Variants in ZRANB3 observed in about 807,000 individuals in gnomAD.
ZRANB3 encodes zinc finger RANBP2-type containing 3.
In ZRANB3, 125 loss-of-function variants were observed where a neutral mutation model predicts 133.8. The ratio of observed to expected loss-of-function variants is 0.93; its 90% CI spans 0.81 to 1.08. The LOEUF (loss-of-function observed/expected upper bound fraction) is 1.08. ZRANB3 is among the 50% of genes least tolerant of loss of function. The pLI is 0.00. For missense variants in ZRANB3, 1,229 were observed against 1,275.5 expected (o/e 0.96, Z 0.56); for synonymous variants, 387 against 432.7 (o/e 0.89, Z 1.31).
intron 12 of ZRANB3, among the ~76,000 whole-genome samples, chr2:135,248,690 G>A (rs1695910994): frequency 6.6e-6 from 1 of 152,174 alleles, no homozygotes; most frequent in African/African-American, 2.4e-5. Context: ...TGGATCACCT[G>A]AGGTCAGTAG....
chr2:135,318,506 T>A (rs1307262727), intron 6 of ZRANB3, among the ~76,000 whole-genome samples: 1 of 152,144 alleles, frequency 6.6e-6, no homozygotes, highest in Non-Finnish European at 1.5e-5. Flanking sequence ...TGTTAAATGA[T>A]AAATGCAAGT....
intron 8 of ZRANB3, among the ~76,000 whole-genome samples, chr2:135,312,235 G>A (rs1463050483): frequency 6.9e-6 from 1 of 145,128 alleles, no homozygotes; most frequent in Non-Finnish European, 1.5e-5. Flanking sequence ...GTCTTGCTCT[G>A]TTGCCAAAGC....
intron 6 of ZRANB3, among the ~76,000 whole-genome samples, chr2:135,323,435 C>T (rs928572537): frequency 5.3e-5 from 8 of 152,074 alleles, no homozygotes; most frequent in African/African-American, 1.9e-4. Flanking sequence ...CATTGAAAAA[C>T]TGAAATTATT....
At chr2:135,229,461 G>A (rs372255512) in intron 13 of ZRANB3, among the ~76,000 whole-genome samples, 20 of 149,336 alleles carry the variant, frequency 1.3e-4, no homozygotes, top group African/African-American at 3.5e-4. Flanking sequence ...TCCGCCTCCC[G>A]GGTTCACGCC....
chr2:135,368,329 TACA>T (rs938325510), intron 3 of ZRANB3, among the ~76,000 whole-genome samples: 117 of 152,146 alleles, frequency 7.7e-4, no homozygotes, highest in African/African-American at 2.6e-3. Flanking sequence ...TACTAATAAC[TACA>T]ACAATAAACA....
intron 2 of ZRANB3, among the ~76,000 whole-genome samples, chr2:135,484,296 G>A (rs560077240): frequency 6.6e-6 from 1 of 152,090 alleles, no homozygotes; most frequent in Non-Finnish European, 1.5e-5. Context: ...ATGAACTAAT[G>A]AAAAAGGTAA....
intron 2 of ZRANB3, among the ~76,000 whole-genome samples, chr2:135,458,236 G>A (rs1292516122): frequency 3.9e-5 from 6 of 152,008 alleles, no homozygotes; most frequent in South Asian, 4.1e-4. Context: ...TCCACTGATC[G>A]TGTGTATGTC....
intron 2 of ZRANB3, among the ~76,000 whole-genome samples, chr2:135,421,496 A>G (rs1375938696): frequency 6.6e-6 from 1 of 152,042 alleles, no homozygotes; most frequent in East Asian, 1.9e-4. Context: ...TATTAGCCAT[A>G]TTTTCCCCCT....
At chr2:135,469,292 C>T (rs1000596861) in intron 2 of ZRANB3, among the ~76,000 whole-genome samples, 9 of 151,726 alleles carry the variant, frequency 5.9e-5, no homozygotes, top group Non-Finnish European at 1.3e-4. Context: ...ACATATACAT[C>T]CTAGAAATTT....
chr2:135,225,161 T>C (rs1350754402), intron 14 of ZRANB3, among the ~76,000 whole-genome samples: 1 of 152,188 alleles, frequency 6.6e-6, no homozygotes, highest in Non-Finnish European at 1.5e-5. Flanking sequence ...GTACATACAG[T>C]AACACCTTTT....
chr2:135,400,358 T>C (rs1243479222), intron 2 of ZRANB3, among the ~76,000 whole-genome samples: 3 of 152,160 alleles, frequency 2.0e-5, no homozygotes, highest in African/African-American at 7.2e-5. Flanking sequence ...AGTCTTTTTT[T>C]TTCTCTAAAT....
At chr2:135,264,008 G>A (rs1387794445) in intron 12 of ZRANB3, among the ~76,000 whole-genome samples, 3 of 148,572 alleles carry the variant, frequency 2.0e-5, no homozygotes, top group East Asian at 4.0e-4. Flanking sequence ...GGCTGATCTC[G>A]AACTCCTGAC....
intron 2 of ZRANB3, among the ~76,000 whole-genome samples, chr2:135,495,926 C>G (rs1692640540): frequency 6.6e-6 from 1 of 152,088 alleles, no homozygotes. Flanking sequence ...TAAAGCTTGG[C>G]AGGAGATGAA....
intron 3 of ZRANB3, among the ~76,000 whole-genome samples, chr2:135,389,418 G>A (rs1463864230): frequency 5.9e-5 from 9 of 152,058 alleles, no homozygotes; most frequent in Admixed American, 5.9e-4. Flanking sequence ...CTTAAAAACA[G>A]ACTACAGGCC....
chr2:135,450,881 T>A lies in ZRANB3; in HGVS notation c.161+53448A>T, dbSNP rs116426233. On this transcript the variant is annotated intron_variant, in intron 2 of 20. Coordinates refer to ENST00000264159, the MANE Select transcript of ZRANB3 (RefSeq NM_032143.4). ...AATTAAAGTTCACATGAGAGAGATATCCATATCTACTACATCCAAACATCC... is the reference window on the plus strand; with the variant it reads ...AATTAAAGTTCACATGAGAGAGATAACCATATCTACTACATCCAAACATCC... Among the ~76,000 whole-genome samples, 859 of 152,214 alleles carry A rather than the reference T, an allele frequency of 5.6e-3. 9 individuals are homozygous for A. Among genetic ancestry groups the A allele is most frequent in the African/African-American group, 0.02 (826 of 41,518 alleles).
In ZRANB3 at chr2:135,512,336, G is replaced by A. The variant is rs6750859; in HGVS notation, c.-7-7840C>T. Reference sequence around the variant, plus strand: ...AAGTAAATAGTAGAACTGTACTGAGGAGAATCAGATATTGTTAAAATACAC... The same window carrying A: ...AAGTAAATAGTAGAACTGTACTGAGAAGAATCAGATATTGTTAAAATACAC... On this transcript the variant is annotated intron_variant, in intron 1 of 20. Transcript: ENST00000264159. 3.2e-4 allele frequency among the ~76,000 whole-genome samples: 48 copies of A among 152,230 alleles called. 1 individual carries two copies. The highest frequency in any genetic ancestry group is 1.1e-3 in the African/African-American group (44 of 41,534).
chr2:135,274,579 T>A (rs1680689989), intron 9 of ZRANB3, among the ~76,000 whole-genome samples: 1 of 151,438 alleles, frequency 6.6e-6, no homozygotes. Flanking sequence ...GCAGCATATC[T>A]TTTTTTTTAG....
rs766509865 is a variant in ZRANB3, at chr2:135,207,817, C to T, written c.2626G>A (p.Ala876Thr). 1 of 1,593,178 alleles carries T rather than the reference C, an allele frequency of 6.3e-7. No homozygotes were observed. Among genetic ancestry groups the T allele is most frequent in the Non-Finnish European group, 8.6e-7 (1 of 1,163,808 alleles). The change falls in exon 19 of 21, where the codon GCC becomes ACC. Residue 876 changes from alanine (A) to threonine (T), a missense_variant. Ala to Thr is a moderately conservative substitution (Grantham distance 58). Coordinates refer to ENST00000264159, the MANE Select transcript of ZRANB3 (RefSeq NM_032143.4). Reference sequence around the variant, plus strand: ...TATGGATTTAGAAATGGGACACAGGCTCCATCTTCAAGAAGTTTTCTACAA... The same window carrying T: ...TATGGATTTAGAAATGGGACACAGGTTCCATCTTCAAGAAGTTTTCTACAA... ...PFTKKLLEDG[A>T]CVPFLNPYTV...
chr2:135,330,967 A>G (rs1487067933), intron 6 of ZRANB3, among the ~76,000 whole-genome samples: 2 of 151,968 alleles, frequency 1.3e-5, no homozygotes, highest in African/African-American at 2.4e-5. Context: ...CTAGTAGTCT[A>G]TCAATTTTGT....
Sources: gnomAD v4.1 joint callset for allele counts (sites outside exome capture counted in the v4.1 genomes callset) on GRCh38, gnomAD v4.1.1 for gene constraint, MANE v1.5 for transcripts, NCBI Gene and HGNC (gene_info 2026-07-23, HGNC 2026-07-21) for gene names.